ARSJ: variants seen among roughly 807,000 people sequenced by gnomAD.
ARSJ encodes the protein arylsulfatase family member J.
A neutral mutation model predicts 35.9 loss-of-function variants in ARSJ; 26 were observed. The observed-to-expected ratio is 0.72, with a 90% CI of 0.53 to 1.00. ARSJ has a LOEUF of 1.00. ARSJ is among the 50% of genes least tolerant of loss of function. The probability of loss-of-function intolerance (pLI) is 0.00; values close to 1 mark genes in which losing one functional copy is unlikely to be tolerated. For missense variants in ARSJ, 667 were observed against 723.6 expected (o/e 0.92, Z 0.90); for synonymous variants, 294 against 267.6 (o/e 1.10, Z -0.96).
At chr4:113,938,995 C>A (rs1352336369) in intron 1 of ARSJ, among the ~76,000 whole-genome samples, 34 of 151,326 alleles carry the variant, frequency 2.2e-4, no homozygotes, top group Admixed American at 2.2e-3. Context: ...ATGTGCCATG[C>A]TGGTGTGCTG....
chr4:113,906,803 A>G (rs2099668879), intron 1 of ARSJ: 1 of 452,708 alleles, frequency 2.2e-6, no homozygotes, highest in Non-Finnish European at 4.4e-6. Flanking sequence ...AAGGGAGCAG[A>G]GTCTAGTAAG....
intron 1 of ARSJ, among the ~76,000 whole-genome samples, chr4:113,917,461 A>G (rs1291821577): frequency 6.6e-6 from 1 of 152,198 alleles, no homozygotes. Flanking sequence ...AATGCATGTA[A>G]AAGTGCAAGG....
chr4:113,919,044 C>T (rs1471946673), intron 1 of ARSJ, among the ~76,000 whole-genome samples: 1 of 152,164 alleles, frequency 6.6e-6, no homozygotes, highest in East Asian at 1.9e-4. Context: ...TTCCATACTG[C>T]TCTCTTCAAC....
In ARSJ at chr4:113,979,345, C is replaced by G. The variant is rs572724913; in HGVS notation, c.-511G>C. Reference sequence around the variant, plus strand: ...TGGACGCGTCGCGTCTGGCTCTGATCAGACAGATAAACTGCCGTAGTGGAC... The same window carrying G: ...TGGACGCGTCGCGTCTGGCTCTGATGAGACAGATAAACTGCCGTAGTGGAC... On this transcript the variant is annotated 5_prime_UTR_variant, in exon 1 of 2. Transcript: ENST00000315366. 1 of 154,712 alleles carries G rather than the reference C, an allele frequency of 6.5e-6. No individual in the cohort carries two copies. Among genetic ancestry groups the G allele is most frequent in the Non-Finnish European group, 1.4e-5 (1 of 69,778 alleles). The allele number at this position is 154,712 out of a possible 1,614,324, so 9.6% of individuals were successfully genotyped here. A position where few individuals can be genotyped will look rare whatever the true frequency, so the allele number is the denominator to read the frequency against.
chr4:113,928,491 A>C (rs1333264305), intron 1 of ARSJ, among the ~76,000 whole-genome samples: 1 of 152,134 alleles, frequency 6.6e-6, no homozygotes, highest in Admixed American at 6.5e-5. Flanking sequence ...ATTAAGTAGG[A>C]ATGCAGTAGG....
chr4:113,919,138 C>T (rs1275207362), intron 1 of ARSJ, among the ~76,000 whole-genome samples: 1 of 152,026 alleles, frequency 6.6e-6, no homozygotes, highest in Non-Finnish European at 1.5e-5. Context: ...CTAGATTGCA[C>T]TGAAGCTGAG....
chr4:113,946,572 TACACACACAC>T (rs138434069), intron 1 of ARSJ, among the ~76,000 whole-genome samples: 1 of 147,378 alleles, frequency 6.8e-6, no homozygotes, highest in East Asian at 2.0e-4. Context: ...ACACACACCA[TACACACACAC>T]ACACACACAC....
At chr4:113,944,291 C>T (rs4339278) in intron 1 of ARSJ, 40,838 of 151,844 alleles carry the variant, frequency 0.27, 5,816 homozygotes, top group Middle Eastern at 0.39. Context: ...ACATGTAGGA[C>T]TCCTGTTTAA....
chr4:113,938,355 G>T (rs770483254), intron 1 of ARSJ, among the ~76,000 whole-genome samples: 6 of 151,980 alleles, frequency 3.9e-5, no homozygotes, highest in African/African-American at 7.2e-5. Context: ...ATTGAAACTG[G>T]ACCCCTTCCT....
intron 1 of ARSJ, among the ~76,000 whole-genome samples, chr4:113,939,260 C>G (rs1456794077): frequency 1.0e-5 from 1 of 95,950 alleles, no homozygotes; most frequent in African/African-American, 3.5e-5. Flanking sequence ...TTTATGGCTG[C>G]ATAGTATTCC....
chr4:113,913,280 GC>G (rs1340020407), intron 1 of ARSJ, among the ~76,000 whole-genome samples: 2 of 152,100 alleles, frequency 1.3e-5, no homozygotes, highest in Non-Finnish European at 2.9e-5. Flanking sequence ...GGACACCAAA[GC>G]TTTTTCTACA....
chr4:113,975,613 G>A (rs1463250636), intron 1 of ARSJ, among the ~76,000 whole-genome samples: 3 of 152,102 alleles, frequency 2.0e-5, no homozygotes, highest in Non-Finnish European at 4.4e-5. Context: ...CCAGTGCATA[G>A]AATCCCTACA....
At chr4:113,924,421 G>A (rs1723924766) in intron 1 of ARSJ, among the ~76,000 whole-genome samples, 1 of 151,842 alleles carries the variant, frequency 6.6e-6, no homozygotes, top group African/African-American at 2.4e-5. Flanking sequence ...AATCTCCTTA[G>A]GCAACACCCT....
chr4:113,905,730 C>T lies in ARSJ; in HGVS notation c.399-2055G>A, dbSNP rs565514994. Among the ~76,000 whole-genome samples, 3 of 126,254 alleles carry T rather than the reference C, an allele frequency of 2.4e-5. No individual in the cohort carries two copies. In the South Asian group the frequency reaches 8.0e-4, roughly 34 times the overall value. The allele number at this position is 126,254 out of a possible 152,430, so 82.8% of individuals were successfully genotyped here. A position where few individuals can be genotyped will look rare whatever the true frequency, so the allele number is the denominator to read the frequency against. ...TCACCCAGGCTGGAGTGCAGTGGCA[C>T]GATCTTGGCCCACTGCAACCTCTGC... On this transcript the variant is annotated intron_variant, in intron 1 of 1. Transcript: ENST00000315366.
intron 1 of ARSJ, among the ~76,000 whole-genome samples, chr4:113,940,238 C>T (rs1040467214): frequency 2.0e-5 from 3 of 152,058 alleles, no homozygotes; most frequent in Non-Finnish European, 2.9e-5. Context: ...TGGAATCAAC[C>T]CAAATGCCCA....
At position 113,900,707 on chromosome 4, in the gene ARSJ, G is replaced by C. The variant is rs1406354930; in HGVS notation, c.*1567C>G. 1.3e-5 allele frequency: 2 copies of C among 152,158 alleles called. No individual in the cohort carries two copies. Among genetic ancestry groups the C allele is most frequent in the Non-Finnish European group, 2.9e-5 (2 of 68,022 alleles). 9.4% of individuals were successfully genotyped at this position (152,158 alleles called of 1,614,324 possible). A position where few individuals can be genotyped will look rare whatever the true frequency, so the allele number is the denominator to read the frequency against. ...GTATACTGTAAGCTTCAAGGCCTCT[G>C]CATTAGGAGAGGGCACTTCAAAGAA... On this transcript the variant is annotated 3_prime_UTR_variant, in exon 2 of 2. Transcript: ENST00000315366.
chr4:113,960,578 G>A (rs1594497905), intron 1 of ARSJ, among the ~76,000 whole-genome samples: 1 of 151,976 alleles, frequency 6.6e-6, no homozygotes, highest in African/African-American at 2.4e-5. Context: ...AGAAAAAAAA[G>A]AATCAAAGAA....
chr4:113,909,944 A>G (rs2099669942), intron 1 of ARSJ, among the ~76,000 whole-genome samples: 1 of 152,194 alleles, frequency 6.6e-6, no homozygotes, highest in East Asian at 1.9e-4. Context: ...AACATCGATT[A>G]TATATTTAAC....
intron 1 of ARSJ, among the ~76,000 whole-genome samples, chr4:113,910,279 C>T (rs2099670041): frequency 6.6e-6 from 1 of 152,138 alleles, no homozygotes; most frequent in Non-Finnish European, 1.5e-5. Flanking sequence ...GTGCTGGATA[C>T]TATAGTCTAT....
Sources: gnomAD v4.1 joint callset for allele counts (sites outside exome capture counted in the v4.1 genomes callset) on GRCh38, gnomAD v4.1.1 for gene constraint, MANE v1.5 for transcripts, NCBI Gene and HGNC (gene_info 2026-07-23, HGNC 2026-07-21) for gene names.